The following ITGBL1 variants were observed in gnomAD, a reference collection of about 807,000 sequenced individuals.
ITGBL1 encodes the protein integrin beta-like protein 1.
ITGBL1 carries 51 observed loss-of-function variants against 68.5 expected under a neutral mutation model. That is an observed-to-expected ratio of 0.74 (90% CI 0.59 to 0.94). ITGBL1 has a LOEUF of 0.94. ITGBL1 is among the 40% of genes least tolerant of loss of function. ITGBL1 has a pLI of 0.00. For missense variants in ITGBL1, 649 were observed against 647.4 expected (o/e 1.00, Z -0.03); for synonymous variants, 209 against 227.3 (o/e 0.92, Z 0.72).
intron 4 of ITGBL1, 25 bp from the exon 5 acceptor site, chr13:101,579,261 CT>C (rs2050413811): frequency 6.2e-7 from 1 of 1,600,830 alleles, no homozygotes; most frequent in Admixed American, 1.7e-5. Context: ...TTTTTCCTCA[CT>C]GTATAAAATT....
In ITGBL1 at chr13:101,626,776, C is replaced by G. The variant is rs938761728; in HGVS notation, c.1015+28477C>G. On this transcript the variant is annotated intron_variant, in intron 7 of 10. Coordinates refer to ENST00000376180, the MANE Select transcript of ITGBL1 (RefSeq NM_004791.3). ...TGCCAATTCTCAGACAATAGGAGTA[C>G]ATCTTTTTTTATAAAGAAATCATTT... is the stretch of plus-strand genomic sequence containing the variant. Among the ~76,000 whole-genome samples the G allele has an allele frequency of 2.6e-5, 4 of 152,118 alleles. No individual in the cohort carries two copies. In the South Asian group the frequency reaches 8.3e-4, roughly 32 times the overall value.
At chr13:101,491,792 C>T (rs1427332955) in intron 2 of ITGBL1, among the ~76,000 whole-genome samples, 10 of 152,086 alleles carry the variant, frequency 6.6e-5, no homozygotes, top group Admixed American at 5.9e-4. Flanking sequence ...CACCCCCTGA[C>T]AGGGCCCCGG....
chr13:101,639,561 A>G (rs1051097273), intron 7 of ITGBL1, among the ~76,000 whole-genome samples: 6 of 152,344 alleles, frequency 3.9e-5, no homozygotes, highest in African/African-American at 1.4e-4. Context: ...ATTCTAAAAC[A>G]AAATAGTTTA....
chr13:101,634,546 T>C (rs1319199835), intron 7 of ITGBL1, among the ~76,000 whole-genome samples: 1 of 152,158 alleles, frequency 6.6e-6, no homozygotes. Context: ...AAAGATGTTA[T>C]ATAAAGAAAG....
intron 9 of ITGBL1, 57 bp downstream of exon 9, chr13:101,706,959 A>T: frequency 6.4e-7 from 1 of 1,553,120 alleles, no homozygotes; most frequent in African/African-American, 1.4e-5. Context: ...TGATTTGTAG[A>T]ACAGCATGTA....
chr13:101,473,688 T>G (rs2048494911), intron 2 of ITGBL1, among the ~76,000 whole-genome samples: 1 of 151,776 alleles, frequency 6.6e-6, no homozygotes, highest in Non-Finnish European at 1.5e-5. Context: ...GCCAAGGGAG[T>G]GTGTGCATCA....
chr13:101,652,727 C>T (rs545961413), intron 7 of ITGBL1, among the ~76,000 whole-genome samples: 25 of 152,156 alleles, frequency 1.6e-4, no homozygotes, highest in Non-Finnish European at 3.4e-4. Flanking sequence ...AGAAGTGTTT[C>T]CTCAGAAACA....
intron 2 of ITGBL1, among the ~76,000 whole-genome samples, chr13:101,470,187 T>C (rs1376167788): frequency 2.0e-5 from 3 of 152,200 alleles, no homozygotes; most frequent in Non-Finnish European, 4.4e-5. Flanking sequence ...AAACGAAATA[T>C]TCTGTTACCT....
At chr13:101,596,549 A>T (rs1294936902) in intron 6 of ITGBL1, among the ~76,000 whole-genome samples, 2 of 152,226 alleles carry the variant, frequency 1.3e-5, no homozygotes, top group Non-Finnish European at 1.5e-5. Flanking sequence ...ACATACTTTA[A>T]GAATCTACAA....
At chr13:101,698,508 C>A (rs1566795953) in intron 8 of ITGBL1, among the ~76,000 whole-genome samples, 2 of 152,100 alleles carry the variant, frequency 1.3e-5, no homozygotes, top group African/African-American at 4.8e-5. Flanking sequence ...AAATGACTAG[C>A]AGAAAGAAAA....
intron 6 of ITGBL1, among the ~76,000 whole-genome samples, chr13:101,586,032 A>G (rs995747839): frequency 3.3e-5 from 5 of 152,058 alleles, no homozygotes; most frequent in African/African-American, 1.2e-4. Flanking sequence ...ATGGGTGATC[A>G]CTCCTGAACT....
At chr13:101,601,696 C>T (rs1187888147) in intron 7 of ITGBL1, among the ~76,000 whole-genome samples, 1 of 152,122 alleles carries the variant, frequency 6.6e-6, no homozygotes, top group African/African-American at 2.4e-5. Flanking sequence ...GTTATGTACC[C>T]AGTATTCATT....
chr13:101,481,326 A>G (rs1375144142), intron 2 of ITGBL1, among the ~76,000 whole-genome samples: 1 of 151,990 alleles, frequency 6.6e-6, no homozygotes, highest in Non-Finnish European at 1.5e-5. Context: ...GGTACCAAGG[A>G]GAAAGCTATT....
At chr13:101,505,114 CA>C (rs35572867) in intron 2 of ITGBL1, among the ~76,000 whole-genome samples, 30,940 of 152,078 alleles carry the variant, frequency 0.2, 3,579 homozygotes, top group East Asian at 0.45. Flanking sequence ...GAGACCTTTA[CA>C]AAAGGCCAAC....
chr13:101,624,133 G>A (rs145099509), intron 7 of ITGBL1, among the ~76,000 whole-genome samples: 2 of 152,244 alleles, frequency 1.3e-5, no homozygotes, highest in African/African-American at 4.8e-5. Context: ...TGGGCTTGTT[G>A]AGCTTTACCT....
At chr13:101,659,075 G>T (rs957344806) in intron 7 of ITGBL1, among the ~76,000 whole-genome samples, 1 of 116,572 alleles carries the variant, frequency 8.6e-6, no homozygotes, top group African/African-American at 3.4e-5. Flanking sequence ...GCGGAATCTC[G>T]CTCTGTTGCC....
At chr13:101,553,128 G>A (rs749858441) in intron 2 of ITGBL1, among the ~76,000 whole-genome samples, 1 of 152,280 alleles carries the variant, frequency 6.6e-6, no homozygotes, top group South Asian at 2.1e-4. Context: ...GTCATGGAGA[G>A]ACATTTGGCC....
intron 7 of ITGBL1, among the ~76,000 whole-genome samples, chr13:101,637,108 A>T (rs971807721): frequency 1.3e-5 from 2 of 152,158 alleles, no homozygotes; most frequent in South Asian, 4.1e-4. Flanking sequence ...AAATGGGAAG[A>T]TACATCAAAG....
At chr13:101,512,542 G>A (rs2049132498) in intron 2 of ITGBL1, among the ~76,000 whole-genome samples, 1 of 152,132 alleles carries the variant, frequency 6.6e-6, no homozygotes, top group African/African-American at 2.4e-5. Context: ...ATCGGAATTG[G>A]ATACAGATTG....
Sources: allele counts gnomAD v4.1 joint callset (sites outside exome capture counted in the v4.1 genomes callset), GRCh38; gene constraint gnomAD v4.1.1; transcripts MANE v1.5; gene names NCBI Gene and HGNC (gene_info 2026-07-23, HGNC 2026-07-21).